Variants in TPRG1 observed in about 807,000 individuals in gnomAD.
TPRG1 encodes the protein tumor protein p63-regulated gene 1 protein.
TPRG1 carries 29 observed loss-of-function variants against 29.3 expected under a neutral mutation model. The observed-to-expected ratio is 0.99, with a 90% confidence interval of 0.74 to 1.35. The LOEUF (loss-of-function observed/expected upper bound fraction) is 1.35, where lower values mean the gene tolerates loss of function less well. Ranked by LOEUF, TPRG1 falls within the 40% of genes most tolerant of loss-of-function variation. The pLI is 0.00. For missense variants in TPRG1, 327 were observed against 335.0 expected, an observed-to-expected ratio of 0.98 and a Z score of 0.19; for synonymous variants, 130 against 116.8, an observed-to-expected ratio of 1.11 and a Z score of -0.73.
At chr3:189,068,441 T>C (rs1224131719) in intron 4 of TPRG1, among the ~76,000 whole-genome samples, 1 of 152,112 alleles carries the variant, frequency 6.6e-6, no homozygotes, top group Non-Finnish European at 1.5e-5. Context: ...TAAAAAAAGA[T>C]GGTACATATA....
At chr3:189,152,659 A>C (rs1726104943) in intron 5 of TPRG1, among the ~76,000 whole-genome samples, 1 of 151,550 alleles carries the variant, frequency 6.6e-6, no homozygotes. Flanking sequence ...TATTATTAAA[A>C]AGTAGGATTG....
intron 1 of TPRG1, among the ~76,000 whole-genome samples, chr3:189,203,541 C>CTTA (rs1269697077): frequency 1.3e-5 from 2 of 152,166 alleles, no homozygotes; most frequent in Non-Finnish European, 2.9e-5. Flanking sequence ...AACTGTTAAT[C>CTTA]TCGTGCTACT....
intron 5 of TPRG1, among the ~76,000 whole-genome samples, chr3:189,157,999 T>C (rs907017250): frequency 4.6e-5 from 7 of 152,222 alleles, no homozygotes; most frequent in African/African-American, 1.2e-4. Flanking sequence ...GGATGTTATT[T>C]ACTGTGGGAC....
intron 4 of TPRG1, among the ~76,000 whole-genome samples, chr3:189,048,313 G>C (rs1715097695): frequency 1.3e-5 from 2 of 152,196 alleles, no homozygotes; most frequent in Admixed American, 6.5e-5. Context: ...TAGGTCTTAA[G>C]AGTAGGTTTA....
In TPRG1 at chr3:189,321,398, A is replaced by T. The variant is rs1386227644; in HGVS notation, c.*578A>T. On this transcript the variant is annotated 3_prime_UTR_variant, in exon 6 of 6. Transcript: ENST00000345063. ...AATCCTGTGGTATTTATATGGTCCCAGTTATCCATCCCTGAAGTCTGTCAA... is the reference window on the plus strand; with the variant it reads ...AATCCTGTGGTATTTATATGGTCCCTGTTATCCATCCCTGAAGTCTGTCAA... The T allele has an allele frequency of 6.6e-6, 1 of 152,110 alleles. No homozygotes were observed. 9.4% of individuals were successfully genotyped at this position (152,110 alleles called of 1,614,324 possible). A position where few individuals can be genotyped will look rare whatever the true frequency, so the allele number is the denominator to read the frequency against.
At chr3:189,038,913 T>C (rs1164223731) in intron 4 of TPRG1, among the ~76,000 whole-genome samples, 10 of 151,942 alleles carry the variant, frequency 6.6e-5, no homozygotes, top group African/African-American at 2.2e-4. Flanking sequence ...AAAACCATAA[T>C]GAGACTCATT....
intron 4 of TPRG1, among the ~76,000 whole-genome samples, chr3:189,242,112 TGAGTA>T (rs1188954942): frequency 6.6e-6 from 1 of 152,166 alleles, no homozygotes; most frequent in African/African-American, 2.4e-5. Flanking sequence ...AAATTTGCCT[TGAGTA>T]AAGAAGAAGG....
intron 3 of TPRG1, among the ~76,000 whole-genome samples, chr3:189,007,543 C>T (rs1052100277): frequency 6.6e-6 from 1 of 151,810 alleles, no homozygotes; most frequent in African/African-American, 2.4e-5. Flanking sequence ...CATCCCATTA[C>T]TGGGTATATA....
intron 1 of TPRG1, among the ~76,000 whole-genome samples, chr3:189,102,980 T>A (rs1317011277): frequency 1.3e-5 from 2 of 152,196 alleles, no homozygotes; most frequent in African/African-American, 2.4e-5. Flanking sequence ...TCAGGTGTCA[T>A]CTTTTGCAGA....
chr3:189,285,344 C>T (rs914703637), intron 4 of TPRG1, among the ~76,000 whole-genome samples: 1 of 152,138 alleles, frequency 6.6e-6, no homozygotes, highest in Non-Finnish European at 1.5e-5. Flanking sequence ...GAAAGGCGGG[C>T]GTAGGCTGCT....
chr3:189,173,730 A>G (rs143732378), intron 1 of TPRG1, among the ~76,000 whole-genome samples: 22 of 152,124 alleles, frequency 1.4e-4, no homozygotes, highest in African/African-American at 5.3e-4. Context: ...TTACTCTTTC[A>G]TTGCCCACAA....
At chr3:189,295,496 CAAAAAAAAAAAAA>C (rs368195264) in intron 4 of TPRG1, among the ~76,000 whole-genome samples, 25 of 85,498 alleles carry the variant, frequency 2.9e-4, no homozygotes, top group South Asian at 4.9e-4. Flanking sequence ...ACTCAGATTG[CAAAAAAAAAAAAA>C]AAAAAAAAAA....
chr3:189,232,583 A>G (rs1738833275), intron 3 of TPRG1, among the ~76,000 whole-genome samples: 1 of 152,176 alleles, frequency 6.6e-6, no homozygotes, highest in African/African-American at 2.4e-5. Context: ...ATATTCCTTA[A>G]TAATGGTATA....
At chr3:189,068,232 C>T (rs908079459) in intron 4 of TPRG1, among the ~76,000 whole-genome samples, 2 of 152,072 alleles carry the variant, frequency 1.3e-5, no homozygotes, top group African/African-American at 2.4e-5. Context: ...ATTAGTAGAG[C>T]CACTATAGAG....
At chr3:189,029,649 T>C (rs1713834540) in intron 4 of TPRG1, among the ~76,000 whole-genome samples, 1 of 152,182 alleles carries the variant, frequency 6.6e-6, no homozygotes, top group Admixed American at 6.5e-5. Flanking sequence ...TTTGGGTGTT[T>C]GTCCACCCAA....
At chr3:189,085,350 C>A (rs1400111791) in intron 4 of TPRG1, among the ~76,000 whole-genome samples, 3 of 152,110 alleles carry the variant, frequency 2.0e-5, no homozygotes, top group African/African-American at 4.8e-5. Context: ...ACATGCAATT[C>A]ATATCTCATA....
chr3:189,208,715 T>C (rs187403461), intron 2 of TPRG1, among the ~76,000 whole-genome samples: 2 of 152,330 alleles, frequency 1.3e-5, no homozygotes, highest in African/African-American at 4.8e-5. Context: ...TTCCGAAGTA[T>C]GTGAACTTTA....
At chr3:189,225,459 G>T (rs1737581438) in intron 3 of TPRG1, among the ~76,000 whole-genome samples, 2 of 152,130 alleles carry the variant, frequency 1.3e-5, no homozygotes, top group Non-Finnish European at 2.9e-5. Flanking sequence ...TGTTAGAAAT[G>T]CATTAGGCTC....
At chr3:189,137,141 C>G (rs1006805541) in intron 3 of TPRG1, among the ~76,000 whole-genome samples, 3 of 152,130 alleles carry the variant, frequency 2.0e-5, no homozygotes, top group Non-Finnish European at 4.4e-5. Flanking sequence ...GATTTTGCCA[C>G]GCCTGCTTTG....
Sources: gnomAD v4.1 joint callset for allele counts (sites outside exome capture counted in the v4.1 genomes callset) on GRCh38, gnomAD v4.1.1 for gene constraint, MANE v1.5 for transcripts, NCBI Gene and HGNC (gene_info 2026-07-23, HGNC 2026-07-21) for gene names.